LSAMP: variants seen among roughly 807,000 people sequenced by gnomAD.
LSAMP encodes limbic system-associated membrane protein.
LSAMP carries 7 observed loss-of-function variants against 38.6 expected under a neutral mutation model. The observed-to-expected ratio is 0.18, with a 90% CI of 0.10 to 0.34. The LOEUF is 0.34. Among genes scored for constraint, LSAMP ranks in the 10% least tolerant of loss-of-function variants. The probability of loss-of-function intolerance (pLI) is 1.00; values close to 1 mark genes in which losing one functional copy is unlikely to be tolerated. For missense variants in LSAMP, 313 were observed against 420.0 expected, an observed-to-expected ratio of 0.75 and a Z score of 2.23; for synonymous variants, 154 against 166.8, an observed-to-expected ratio of 0.92 and a Z score of 0.59.
Position 116,445,233 on chromosome 3 carries a change from A to ATT in LSAMP, c.-203_-202insAA. ...TAAGACTTAACAAAGCCCTCATAAAACCCAAGCAGAAGGGTGAAAAGTAAA... is the reference window on the plus strand; with the variant it reads ...TAAGACTTAACAAAGCCCTCATAAAATTCCCAAGCAGAAGGGTGAAAAGTAAA... On this transcript the variant is annotated 5_prime_UTR_variant, in exon 1 of 7. Coordinates refer to ENST00000490035, the MANE Select transcript of LSAMP (RefSeq NM_002338.5). 1.7e-6 allele frequency: 1 copy of ATT among 594,720 alleles called. No homozygotes were observed. The highest frequency in any genetic ancestry group is 3.0e-6 in the Non-Finnish European group (1 of 335,230). 36.8% of individuals were successfully genotyped at this position (594,720 alleles called of 1,614,324 possible).
At chr3:116,090,687 G>A (rs949200833) in intron 1 of LSAMP, among the ~76,000 whole-genome samples, 30 of 152,274 alleles carry the variant, frequency 2.0e-4, no homozygotes, top group South Asian at 1.9e-3. Context: ...AAATTTTAAA[G>A]CTGGGTGTCC....
At chr3:116,343,453 A>G (rs2048023602) in intron 1 of LSAMP, among the ~76,000 whole-genome samples, 1 of 152,162 alleles carries the variant, frequency 6.6e-6, no homozygotes, top group Admixed American at 6.6e-5. Context: ...TTCTAATGGT[A>G]AAGAAAATAG....
chr3:116,193,711 GC>G (rs1276911134), intron 1 of LSAMP, among the ~76,000 whole-genome samples: 1 of 151,994 alleles, frequency 6.6e-6, no homozygotes, highest in East Asian at 1.9e-4. Context: ...AGAAATCCTG[GC>G]CACCAAAATG....
At chr3:116,107,269 C>T (rs537990051) in intron 1 of LSAMP, among the ~76,000 whole-genome samples, 7 of 152,084 alleles carry the variant, frequency 4.6e-5, no homozygotes, top group South Asian at 2.1e-4. Context: ...CTGAAGGAGC[C>T]GGGGAGCAGA....
chr3:116,378,899 C>G (rs901368593), intron 1 of LSAMP, among the ~76,000 whole-genome samples: 2 of 151,604 alleles, frequency 1.3e-5, no homozygotes, highest in Non-Finnish European at 2.9e-5. Flanking sequence ...TGACCTTGGT[C>G]AAGGTCACAC....
intron 3 of LSAMP, among the ~76,000 whole-genome samples, chr3:115,872,544 G>A (rs897476603): frequency 2.6e-5 from 4 of 152,086 alleles, no homozygotes; most frequent in African/African-American, 7.2e-5. Context: ...ACAGCAGGAG[G>A]CCGATAGGAG....
intron 1 of LSAMP, among the ~76,000 whole-genome samples, chr3:116,116,223 C>G (rs896818316): frequency 6.6e-6 from 1 of 151,146 alleles, no homozygotes; most frequent in African/African-American, 2.4e-5. Context: ...TCCAGCATCT[C>G]TCATTTCACG....
intron 3 of LSAMP, among the ~76,000 whole-genome samples, chr3:116,004,480 G>GCATACATACACTATTATGCATA (rs1940094713): frequency 6.8e-6 from 1 of 148,020 alleles, no homozygotes; most frequent in Non-Finnish European, 1.5e-5. Flanking sequence ...ACACTATTAT[G>GCATACATACACTATTATGCATA]CATACATACA....
intron 2 of LSAMP, among the ~76,000 whole-genome samples, chr3:116,048,569 A>G (rs1941336110): frequency 6.6e-6 from 1 of 152,210 alleles, no homozygotes; most frequent in African/African-American, 2.4e-5. Flanking sequence ...AAATGAACAA[A>G]TGTAAATCTA....
At chr3:115,985,536 C>T (rs1375061563) in intron 3 of LSAMP, among the ~76,000 whole-genome samples, 5 of 152,178 alleles carry the variant, frequency 3.3e-5, no homozygotes, top group African/African-American at 1.2e-4. Flanking sequence ...GCTCATACCT[C>T]GTACCCATGT....
chr3:116,440,798 A>G (rs753871299), intron 1 of LSAMP, among the ~76,000 whole-genome samples: 1 of 152,216 alleles, frequency 6.6e-6, no homozygotes, highest in Non-Finnish European at 1.5e-5. Flanking sequence ...ACATTTAGTG[A>G]TTTAACTACA....
Position 116,366,013 on chromosome 3 carries a change from T to TTAAA in LSAMP, c.155+78863_155+78864insTTTA, listed in dbSNP as rs1553727852. Among the ~76,000 whole-genome samples the TTAAA allele has an allele frequency of 1.7e-4, 5 of 28,686 alleles. No homozygotes were observed. In the Admixed American group the frequency reaches 2.6e-3, roughly 15 times the overall value. The allele number at this position is 28,686 out of a possible 152,430, so 18.8% of individuals were successfully genotyped here. A position where few individuals can be genotyped will look rare whatever the true frequency, so the allele number is the denominator to read the frequency against. ...ATGTACCCTAAAACTTAGAGTATAA[T>TTAAA]AAAAAAAAAAAAAAAAAAAAAAAAA... On this transcript the variant is annotated intron_variant, in intron 1 of 6. Transcript: ENST00000490035.
chr3:116,166,795 T>G (rs1030108450), intron 1 of LSAMP, among the ~76,000 whole-genome samples: 16 of 146,114 alleles, frequency 1.1e-4, no homozygotes, highest in East Asian at 7.9e-4. Flanking sequence ...TTGTTTTTTT[T>G]TTTTTTTTTG....
intron 1 of LSAMP, among the ~76,000 whole-genome samples, chr3:116,091,741 T>C (rs1015335119): frequency 3.3e-5 from 5 of 152,176 alleles, no homozygotes; most frequent in African/African-American, 1.2e-4. Flanking sequence ...TTTAATAGAA[T>C]GTTGTCTTGA....
At chr3:116,233,990 A>C (rs1301357448) in intron 1 of LSAMP, among the ~76,000 whole-genome samples, 2 of 152,160 alleles carry the variant, frequency 1.3e-5, no homozygotes, top group Non-Finnish European at 2.9e-5. Context: ...CTGGACTTAA[A>C]ATCTGGTTCA....
intron 1 of LSAMP, among the ~76,000 whole-genome samples, chr3:116,119,311 ATTG>A (rs1708822099): frequency 6.6e-6 from 1 of 151,880 alleles, no homozygotes; most frequent in Non-Finnish European, 1.5e-5. Flanking sequence ...TAGCCATAAG[ATTG>A]TTATCTGTTA....
intron 2 of LSAMP, 77 bp downstream of exon 2, chr3:116,086,247 C>T: frequency 9.0e-7 from 1 of 1,105,584 alleles, no homozygotes; most frequent in Non-Finnish European, 1.4e-6. Flanking sequence ...AGGAAGGATT[C>T]TGCAAATATT....
chr3:116,316,406 T>A (rs1435565444), intron 1 of LSAMP, among the ~76,000 whole-genome samples: 1 of 152,180 alleles, frequency 6.6e-6, no homozygotes, highest in African/African-American at 2.4e-5. Flanking sequence ...TAGGTGATTA[T>A]AAGTGATTGT....
At chr3:116,254,600 G>T (rs1034151657) in intron 1 of LSAMP, among the ~76,000 whole-genome samples, 4 of 152,046 alleles carry the variant, frequency 2.6e-5, no homozygotes, top group African/African-American at 9.7e-5. Context: ...TAAGGTTATA[G>T]CACAGTTCTG....
Sources: gnomAD v4.1 joint callset for allele counts (sites outside exome capture counted in the v4.1 genomes callset) on GRCh38, gnomAD v4.1.1 for gene constraint, MANE v1.5 for transcripts, NCBI Gene and HGNC (gene_info 2026-07-23, HGNC 2026-07-21) for gene names.